Variants in GPR89A observed in about 807,000 individuals in gnomAD.
The protein encoded by GPR89A is golgi pH regulator A.
In GPR89A, 16 loss-of-function variants were observed where a neutral mutation model predicts 52.0. That is an observed-to-expected ratio of 0.31 (90% CI 0.21 to 0.47). GPR89A has a LOEUF of 0.47. Among genes scored for constraint, GPR89A ranks in the 20% least tolerant of loss-of-function variants. The pLI is 1.00. For missense variants in GPR89A, 135 were observed against 449.4 expected (o/e 0.30, Z 6.33); for synonymous variants, 55 against 150.9 (o/e 0.36, Z 4.66).
At chr1:145,663,142 T>C (rs1420681685) in intron 10 of GPR89A, among the ~76,000 whole-genome samples, 187 bp from the exon 11 acceptor site, 2 of 152,058 alleles carry the variant, frequency 1.3e-5, no homozygotes, top group African/African-American at 4.8e-5. Context: ...TAGGGACTTT[T>C]GTTTGCCTAT....
At chr1:145,623,014 C>T (rs1649241948) in intron 3 of GPR89A, 40 bp from the exon 4 acceptor site, 2 of 1,597,542 alleles carry the variant, frequency 1.3e-6, no homozygotes, top group Non-Finnish European at 1.7e-6. Flanking sequence ...AGTTGCTGCC[C>T]TCTCTTCCTC....
At chr1:145,610,485 T>G (rs1448742606) in intron 1 of GPR89A, among the ~76,000 whole-genome samples, 1 of 152,146 alleles carries the variant, frequency 6.6e-6, no homozygotes, top group African/African-American at 2.4e-5. Context: ...GTGTGTTTTC[T>G]CTTTCTGGGC....
At chr1:145,660,550 T>G (rs1250684988) in intron 10 of GPR89A, among the ~76,000 whole-genome samples, 1 of 152,010 alleles carries the variant, frequency 6.6e-6, no homozygotes, top group African/African-American at 2.4e-5. Flanking sequence ...TTTTGCAACC[T>G]ACTCATCTGA....
intron 1 of GPR89A, chr1:145,611,476 G>A (rs587659774): frequency 2.1e-4 from 32 of 152,088 alleles, no homozygotes; most frequent in African/African-American, 7.2e-4. Flanking sequence ...AATTTGCTTA[G>A]GATGATGGCC....
intron 1 of GPR89A, among the ~76,000 whole-genome samples, chr1:145,615,490 C>T (rs1167717184): frequency 1.3e-5 from 2 of 151,464 alleles, no homozygotes; most frequent in Non-Finnish European, 2.9e-5. Context: ...ACTACAGGCA[C>T]ACCCCACCAC....
chr1:145,668,161 C>T (rs1652707617), intron 12 of GPR89A, among the ~76,000 whole-genome samples: 1 of 152,102 alleles, frequency 6.6e-6, no homozygotes, highest in African/African-American at 2.4e-5. Flanking sequence ...TTACCTTGGG[C>T]AGTATGGCCA....
chr1:145,668,585 C>G (rs1434246363), intron 12 of GPR89A, among the ~76,000 whole-genome samples: 3 of 152,088 alleles, frequency 2.0e-5, no homozygotes, highest in Non-Finnish European at 4.4e-5. Flanking sequence ...CCTGATTGCC[C>G]TGGCCAGAAC....
Position 145,623,056 on chromosome 1 carries a change from C to T in GPR89A, c.209C>T (p.Ser70Phe), listed in dbSNP as rs782083107. The change falls in exon 4 of 14, where the codon TCC (serine) becomes TTC (phenylalanine). Residue 70 changes from serine (S) to phenylalanine (F), a missense_variant and splice_region_variant. Ser to Phe is a radical substitution (Grantham distance 155). Around this residue, in one of 10 missense-constraint regions of GPR89A, gnomAD observed 5 missense variants for 47.7 expected, o/e 0.10. Transcript: ENST00000313835. The part of the protein sequence containing the change: ...FEILGVLNSS[S>F]RYFHWKMNLC... ...ACAGTCTTTGACATTTATTTCAGCT[C>T]CCGTTATTTTCACTGGAAAATGAAC... 6.2e-7 allele frequency: 1 copy of T among 1,608,630 alleles called. No homozygotes were observed. Among genetic ancestry groups the T allele is most frequent in the African/African-American group, 1.3e-5 (1 of 74,514 alleles).
chr1:145,647,380 C>A lies in GPR89A; in HGVS notation c.909+113C>A, dbSNP rs1337510808. ...AACTAAATTCCAAATGTGATTGCAT[C>A]AACAGAGAGCATGATCTTCCACATC... is the stretch of plus-strand genomic sequence containing the variant. On this transcript the variant is annotated intron_variant, in intron 10 of 13. Coordinates refer to ENST00000313835, the MANE Select transcript of GPR89A (RefSeq NM_001097612.2). The A allele has an allele frequency of 3.4e-6, 5 of 1,456,154 alleles. No homozygotes were observed. The African/African-American group carries it at 5.6e-5, about 16-fold the overall frequency. 90.2% of individuals were successfully genotyped at this position (1,456,154 alleles called of 1,614,324 possible).
At chr1:145,608,198 G>A in intron 1 of GPR89A, 23 bp downstream of exon 1, 1 of 1,613,806 alleles carries the variant, frequency 6.2e-7, no homozygotes, top group Non-Finnish European at 8.5e-7. Context: ...CTCCCGCCCC[G>A]ACACCCGTCC....
intron 10 of GPR89A, among the ~76,000 whole-genome samples, chr1:145,647,816 CGTCGTCGTCGA>C (rs1431919659): frequency 0.85 from 28,025 of 32,816 alleles, 12,332 homozygotes; most frequent in East Asian, 0.96. Context: ...TCTCTCTCTT[CGTCGTCGTCGA>C]CTCTCTCTCT....
intron 10 of GPR89A, among the ~76,000 whole-genome samples, chr1:145,659,226 C>A (rs1442846286): frequency 6.6e-6 from 1 of 151,868 alleles, no homozygotes; most frequent in African/African-American, 2.4e-5. Flanking sequence ...GCTCTGTCGC[C>A]CAGGCTGGAG....
chr1:145,636,865 C>T (rs2624737), intron 7 of GPR89A, among the ~76,000 whole-genome samples: 5 of 152,134 alleles, frequency 3.3e-5, no homozygotes, highest in African/African-American at 9.7e-5. Context: ...GCCACCACCC[C>T]CCCTGCCAGC....
rs587721174 is a variant in GPR89A at position 145,616,288 on chromosome 1, T to C, written c.97T>C (p.Tyr33His). The C allele has an allele frequency of 3.1e-6, 5 of 1,606,416 alleles. No individual in the cohort carries two copies. The East Asian group carries it at 8.9e-5, about 29-fold the overall frequency. ...LFFMRQLFKD[Y>H]EIRQYVVQVI... ...CTTCATGCGCCAATTGTTTAAAGAC[T>C]ATGAGGTGAGAAGAAATCATTTTGT... is the stretch of plus-strand genomic sequence containing the variant. Residue 33 changes from tyrosine (Y) to histidine (H), a missense_variant, in exon 2 of 14, where the codon TAT becomes CAT. Around this residue, in one of 10 missense-constraint regions of GPR89A, gnomAD observed 38 missense variants for 40.2 expected, o/e 0.95. Transcript: ENST00000313835.
At chr1:145,633,598 T>G in intron 7 of GPR89A, among the ~76,000 whole-genome samples, 1 of 29,050 alleles carries the variant, frequency 3.4e-5, no homozygotes, top group Non-Finnish European at 6.6e-5. Flanking sequence ...GGTCAATGAG[T>G]TTGTGCTTAT....
chr1:145,656,968 G>C (rs1220251388), intron 10 of GPR89A, among the ~76,000 whole-genome samples: 13 of 151,982 alleles, frequency 8.6e-5, no homozygotes. Flanking sequence ...TTTTTAGTCT[G>C]CTATAGTTGA....
intron 10 of GPR89A, among the ~76,000 whole-genome samples, chr1:145,655,148 T>C (rs1428413371): frequency 1.3e-5 from 2 of 150,420 alleles, no homozygotes; most frequent in African/African-American, 2.4e-5. Context: ...TCCATCACAT[T>C]GTTTATGTTC....
Position 145,649,485 on chromosome 1 carries a change from C to T in GPR89A, c.909+2218C>T, listed in dbSNP as rs782301118. 7.5e-5 allele frequency among the ~76,000 whole-genome samples: 11 copies of T among 146,980 alleles called. No individual in the cohort carries two copies. In the South Asian group the frequency reaches 2.1e-3, roughly 29 times the overall value. On this transcript the variant is annotated intron_variant, in intron 10 of 13. Coordinates refer to ENST00000313835, the MANE Select transcript of GPR89A (RefSeq NM_001097612.2). ...TTATGATTTGTATCAGTAGTTTATT[C>T]TTTTGTATTGCTGAGTAGTGTTTCC...
At chr1:145,609,208 TG>T (rs1648072976) in intron 1 of GPR89A, among the ~76,000 whole-genome samples, 1 of 152,220 alleles carries the variant, frequency 6.6e-6, no homozygotes, top group South Asian at 2.1e-4. Context: ...CAGTTACCTT[TG>T]GGGGCTTAAA....
Sources: allele counts gnomAD v4.1 joint callset (sites outside exome capture counted in the v4.1 genomes callset), GRCh38; gene constraint gnomAD v4.1.1; regional missense constraint gnomAD v4.1.1; transcripts MANE v1.5; gene names NCBI Gene and HGNC (gene_info 2026-07-23, HGNC 2026-07-21).